Variants in MOB1A observed in about 807,000 individuals in gnomAD.
MOB1A encodes MOB1 Mps One Binder homolog A.
A neutral mutation model predicts 25.1 loss-of-function variants in MOB1A; 10 were observed. That is an observed-to-expected ratio of 0.40 (90% CI 0.25 to 0.68). The LOEUF (loss-of-function observed/expected upper bound fraction) is 0.68, where lower values mean the gene tolerates loss of function less well. Ranked by LOEUF, MOB1A falls within the 30% of genes least tolerant of loss-of-function variation. The pLI, the probability that MOB1A is intolerant of heterozygous loss-of-function variation, is 0.40. For synonymous variants in MOB1A, 81 were observed against 79.5 expected (o/e 1.02, Z -0.10); for missense variants, 177 against 256.3 (o/e 0.69, Z 2.11).
At chr2:74,162,050 A>T (rs771425989) in intron 4 of MOB1A, among the ~76,000 whole-genome samples, 1 of 152,226 alleles carries the variant, frequency 6.6e-6, no homozygotes, top group Non-Finnish European at 1.5e-5. Context: ...TAATGTGCAT[A>T]TATTAGTAAA....
intron 2 of MOB1A, among the ~76,000 whole-genome samples, chr2:74,168,838 C>T (rs949271023): frequency 6.6e-6 from 1 of 152,196 alleles, no homozygotes; most frequent in African/African-American, 2.4e-5. Context: ...TCAATATTCA[C>T]TCAAAACAAA....
At position 74,170,724 on chromosome 2, in the gene MOB1A, C is replaced by CAA. The variant is rs34655105; in HGVS notation, c.181+1860_181+1861dup. Among the ~76,000 whole-genome samples, 213 of 121,842 alleles carry CAA rather than the reference C, an allele frequency of 1.7e-3. 4 individuals carry two copies. The highest frequency in any genetic ancestry group is 4.9e-3 in the East Asian group (20 of 4,056). 79.9% of individuals were successfully genotyped at this position (121,842 alleles called of 152,430 possible). On this transcript the variant is annotated intron_variant, in intron 2 of 5. Transcript: ENST00000396049. ...TGTGCGACAGAGCAAGATTCCATCT[C>CAA]AAAAAAAAAAAAAAAAATTAGCAGG...
intron 1 of MOB1A, among the ~76,000 whole-genome samples, chr2:74,174,201 G>T (rs544661471): frequency 1.5e-3 from 228 of 151,222 alleles, no homozygotes; most frequent in African/African-American, 5.3e-3. Flanking sequence ...AACCCAGGAG[G>T]CGGAGGTTGC....
intron 5 of MOB1A, among the ~76,000 whole-genome samples, chr2:74,156,987 G>A (rs1263573838): frequency 6.6e-6 from 1 of 150,764 alleles, no homozygotes; most frequent in Non-Finnish European, 1.5e-5. Context: ...ATAAGTATTT[G>A]GTCTTCCTTT....
In MOB1A at chr2:74,172,579, AACTT is replaced by A; in HGVS notation, c.181+3_181+6del. 6.3e-7 allele frequency: 1 copy of A among 1,595,458 alleles called. No individual in the cohort carries two copies. The highest frequency in any genetic ancestry group is 8.5e-7 in the Non-Finnish European group (1 of 1,174,590). ...AGAAAACAGCAAAGTTACATTTTAA[AACTT>A]ACTGTTCACAGCAATCCATTCATTG... is the stretch of plus-strand genomic sequence containing the variant. On this transcript the variant is annotated splice_donor_5th_base_variant and intron_variant, in intron 2 of 5. Transcript: ENST00000396049.
chr2:74,165,567 G>A (rs1459209922), intron 3 of MOB1A, among the ~76,000 whole-genome samples: 6 of 152,190 alleles, frequency 3.9e-5, no homozygotes, highest in Admixed American at 6.5e-5. Context: ...TAATGTGGCA[G>A]GAGGCAATGC....
chr2:74,168,175 A>C (rs1693185353), intron 2 of MOB1A, among the ~76,000 whole-genome samples: 1 of 152,190 alleles, frequency 6.6e-6, no homozygotes, highest in Non-Finnish European at 1.5e-5. Context: ...ATAAGAAGAC[A>C]GGATCCAAAG....
chr2:74,169,135 T>A (rs930023179), intron 2 of MOB1A, among the ~76,000 whole-genome samples: 10 of 152,254 alleles, frequency 6.6e-5, no homozygotes, highest in Non-Finnish European at 1.5e-4. Context: ...CACTAAAATT[T>A]GTTATGGAAA....
rs555728122 is a variant in MOB1A at position 74,167,886 on chromosome 2, C to G, written c.182-779G>C. The stretch of plus-strand genomic sequence containing the variant: ...GCATGGTGGCTCATGCCTGTAATCC[C>G]AGCACTTTGGGAAGCTGAGGTAGAA... On this transcript the variant is annotated intron_variant, in intron 2 of 5. Transcript: ENST00000396049. Among the ~76,000 whole-genome samples, 3 of 152,246 alleles carry G rather than the reference C, an allele frequency of 2.0e-5. No individual in the cohort carries two copies. The East Asian group carries it at 5.8e-4, about 29-fold the overall frequency.
intron 2 of MOB1A, among the ~76,000 whole-genome samples, chr2:74,170,840 T>C (rs1432519371): frequency 2.5e-4 from 38 of 151,628 alleles, no homozygotes; most frequent in Admixed American, 2.5e-3. Flanking sequence ...CAGTGAGCTA[T>C]GATCATGTCA....
At chr2:74,166,959 A>C in intron 3 of MOB1A, 55 bp downstream of exon 3, 2 of 1,235,814 alleles carry the variant, frequency 1.6e-6, no homozygotes, top group Non-Finnish European at 2.3e-6. Context: ...ATTTCTATCA[A>C]TTGGTGATAA....
At chr2:74,174,718 G>A (rs925125148) in intron 1 of MOB1A, among the ~76,000 whole-genome samples, 1 of 152,128 alleles carries the variant, frequency 6.6e-6, no homozygotes, top group Admixed American at 6.6e-5. Context: ...TTTCATAACA[G>A]AGCAAAAAGA....
Position 74,159,105 on chromosome 2 carries a change from T to C in MOB1A, c.559A>G (p.Ile187Val). ...AHLNTSFKHF[I>V]FFVQEFNLID... ...GATCAACTTACCTGAACAAAGAAAA[T>C]AAAGTGCTTAAAGGAGGTGTTGAGG... The change falls in exon 5 of 6, where the codon ATT becomes GTT. Residue 187 changes from isoleucine to valine, a missense_variant. Ile to Val is a conservative substitution (Grantham distance 29). Coordinates refer to ENST00000396049, the MANE Select transcript of MOB1A (RefSeq NM_018221.5). 1 of 1,613,470 alleles carries C rather than the reference T, an allele frequency of 6.2e-7. No homozygotes were observed. The highest frequency in any genetic ancestry group is 8.5e-7 in the Non-Finnish European group (1 of 1,179,750).
chr2:74,171,667 C>A (rs1262763684), intron 2 of MOB1A, among the ~76,000 whole-genome samples: 1 of 152,142 alleles, frequency 6.6e-6, no homozygotes, highest in East Asian at 1.9e-4. Flanking sequence ...CTTTGGGAGG[C>A]CAAAGCAGGC....
rs554457693 is a variant in MOB1A, at chr2:74,170,373, G to C, written c.181+2213C>G. On this transcript the variant is annotated intron_variant, in intron 2 of 5. Transcript: ENST00000396049. ...AGGATGGTCTCAATCTCCTGACCTC[G>C]TGATCCGCCTGCCTCGGCCTCCCAA... Among the ~76,000 whole-genome samples the C allele has an allele frequency of 1.5e-4, 23 of 151,900 alleles. 1 individual carries two copies. The East Asian group carries it at 3.9e-3, about 26-fold the overall frequency.
chr2:74,158,930 T>C, intron 5 of MOB1A, 161 bp downstream of exon 5: 1 of 748,170 alleles, frequency 1.3e-6, no homozygotes, highest in South Asian at 1.9e-5. Flanking sequence ...GCTGCACACA[T>C]CAATAAAATA....
At chr2:74,159,801 T>C (rs987421513) in intron 4 of MOB1A, among the ~76,000 whole-genome samples, 51 of 149,208 alleles carry the variant, frequency 3.4e-4, no homozygotes, top group African/African-American at 1.2e-3. Context: ...CCTGTAGTTT[T>C]AGTTTTTTGT....
rs1213681290 is a variant in MOB1A at position 74,178,643 on chromosome 2, C to T, written c.14+18G>A. On this transcript the variant is annotated intron_variant, in intron 1 of 5. Transcript: ENST00000396049. ...CCTCGGCCCGCAGGCCCGGCGCCCG[C>T]GGCCCGACCCCACTCACAAGAGGAA... The T allele has an allele frequency of 7.2e-7, 1 of 1,382,342 alleles. No homozygotes were observed. Among genetic ancestry groups the T allele is most frequent in the African/African-American group, 1.5e-5 (1 of 66,310 alleles). The allele number at this position is 1,382,342 out of a possible 1,614,324, so 85.6% of individuals were successfully genotyped here. A position where few individuals can be genotyped will look rare whatever the true frequency, so the allele number is the denominator to read the frequency against.
In MOB1A at chr2:74,155,619, T is replaced by G. The variant is rs1245649889; in HGVS notation, c.*949A>C. ...ACAATAAAAACATAGAAGTAATTTT[T>G]TAATAAAAGGAAATAAAATAATCAA... On this transcript the variant is annotated 3_prime_UTR_variant, in exon 6 of 6. Transcript: ENST00000396049. 1.3e-5 allele frequency: 2 copies of G among 152,712 alleles called. No homozygotes were observed. The highest frequency in any genetic ancestry group is 3.9e-4 in the East Asian group (2 of 5,192). 9.5% of individuals were successfully genotyped at this position (152,712 alleles called of 1,614,324 possible).
Sources: gnomAD v4.1 joint callset for allele counts (sites outside exome capture counted in the v4.1 genomes callset) on GRCh38, gnomAD v4.1.1 for gene constraint, MANE v1.5 for transcripts, NCBI Gene and HGNC (gene_info 2026-07-23, HGNC 2026-07-21) for gene names.